DYNC1I1: variants seen among roughly 807,000 people sequenced by gnomAD.
The protein encoded by DYNC1I1 is cytoplasmic dynein 1 intermediate chain 1.
DYNC1I1 carries 43 observed loss-of-function variants against 86.6 expected under a neutral mutation model. That is an observed-to-expected ratio of 0.50 (90% confidence interval 0.39 to 0.64). The LOEUF is 0.64. Ranked by LOEUF, DYNC1I1 falls within the 30% of genes least tolerant of loss-of-function variation. The probability of loss-of-function intolerance (pLI) is 0.00; values close to 1 mark genes in which losing one functional copy is unlikely to be tolerated. For synonymous variants in DYNC1I1, 262 were observed against 283.7 expected, an observed-to-expected ratio of 0.92 and a Z score of 0.77; for missense variants, 604 against 788.8, an observed-to-expected ratio of 0.77 and a Z score of 2.81.
intron 7 of DYNC1I1, among the ~76,000 whole-genome samples, chr7:95,978,520 T>C (rs1793367543): frequency 6.6e-6 from 1 of 152,206 alleles, no homozygotes; most frequent in Admixed American, 6.5e-5. Context: ...GAGCGGGACC[T>C]AAGAACTGTG....
chr7:96,024,329 TCAAC>T (rs1203813015), intron 10 of DYNC1I1, among the ~76,000 whole-genome samples: 1 of 152,156 alleles, frequency 6.6e-6, no homozygotes, highest in African/African-American at 2.4e-5. Context: ...ACTCCTAGGC[TCAAC>T]CAATCCTCCC....
rs55986463 is a variant in DYNC1I1 at position 95,909,243 on chromosome 7, T to TGG, written c.490+39256_490+39257dup. Among the ~76,000 whole-genome samples the TGG allele has an allele frequency of 4.7e-3, 190 of 40,364 alleles. 2 individuals carry two copies. The highest frequency in any genetic ancestry group is 6.9e-3 in the Non-Finnish European group (159 of 23,190). The allele number at this position is 40,364 out of a possible 152,430, so 26.5% of individuals were successfully genotyped here. ...AGAAACTTGGAGGGTGGGAGGGGGG[T>TGG]GGGGGGGGGGGGCGGGGCGGGAAGG... On this transcript the variant is annotated intron_variant, in intron 6 of 16. Coordinates refer to ENST00000447467, the MANE Select transcript of DYNC1I1 (RefSeq NM_001135556.2).
At chr7:96,098,925 G>C (rs951154969), downstream of DYNC1I1, among the ~76,000 whole-genome samples, 1 of 152,148 alleles carries the variant, frequency 6.6e-6, no homozygotes, top group Non-Finnish European at 1.5e-5. Context: ...TTGGGACTTT[G>C]TTGGTAGGGA....
chr7:96,090,230 G>A (rs560217231), intron 16 of DYNC1I1, among the ~76,000 whole-genome samples: 1 of 151,638 alleles, frequency 6.6e-6, no homozygotes, highest in African/African-American at 2.4e-5. Flanking sequence ...CTCTTTCTTC[G>A]GATATTTGTT....
rs185258363 is a variant in DYNC1I1, at chr7:96,097,442, A to G, written c.1777-41A>G. The G allele has an allele frequency of 4.3e-6, 7 of 1,610,410 alleles. No homozygotes were observed. In the Admixed American group the frequency reaches 1.2e-4, roughly 27 times the overall value. ...AGGCTTCAAGGCTTTCAGACATGAA[A>G]GATATCTTGTTCATCATTTCTCCAT... On this transcript the variant is annotated intron_variant, in intron 16 of 16. Transcript: ENST00000447467.
chr7:96,060,930 C>T (rs900110031), intron 14 of DYNC1I1, among the ~76,000 whole-genome samples: 1 of 152,006 alleles, frequency 6.6e-6, no homozygotes, highest in Non-Finnish European at 1.5e-5. Flanking sequence ...AATGGAACAC[C>T]GAAAAAGAAG....
At chr7:96,085,129 A>G (rs974947930) in intron 16 of DYNC1I1, among the ~76,000 whole-genome samples, 2 of 152,162 alleles carry the variant, frequency 1.3e-5, no homozygotes, top group African/African-American at 4.8e-5. Flanking sequence ...CATCTGCCTC[A>G]TCTCCTGTCC....
intron 16 of DYNC1I1, among the ~76,000 whole-genome samples, chr7:96,106,296 G>T (rs1389000145): frequency 6.6e-6 from 1 of 152,106 alleles, no homozygotes; most frequent in African/African-American, 2.4e-5. Context: ...ACTTTGGGAG[G>T]CCGAGGCAGG....
chr7:95,882,655 G>A (rs916458060), intron 6 of DYNC1I1, among the ~76,000 whole-genome samples: 2 of 152,066 alleles, frequency 1.3e-5, no homozygotes, highest in Admixed American at 6.6e-5. Context: ...GTTCATCTGG[G>A]ACCATTTTCT....
At chr7:95,981,130 CT>C (rs1379430664) in intron 7 of DYNC1I1, among the ~76,000 whole-genome samples, 1 of 151,932 alleles carries the variant, frequency 6.6e-6, no homozygotes, top group Non-Finnish European at 1.5e-5. Flanking sequence ...TTTAAAATAT[CT>C]TTTAACAGAA....
chr7:95,776,735 C>T (rs1793850722), intron 1 of DYNC1I1, among the ~76,000 whole-genome samples: 2 of 152,196 alleles, frequency 1.3e-5, no homozygotes, highest in South Asian at 4.1e-4. Context: ...GTATAGCAAA[C>T]ATCAACTGAC....
intron 4 of DYNC1I1, among the ~76,000 whole-genome samples, chr7:95,824,217 C>T (rs1032092550): frequency 1.3e-5 from 2 of 151,400 alleles, no homozygotes; most frequent in Non-Finnish European, 2.9e-5. Context: ...GTCTTGGAAC[C>T]CGTGGGCTTC....
intron 6 of DYNC1I1, among the ~76,000 whole-genome samples, chr7:95,956,386 T>C (rs1190563813): frequency 6.6e-6 from 1 of 151,210 alleles, no homozygotes; most frequent in African/African-American, 2.4e-5. Flanking sequence ...TTCTCTTTTT[T>C]TTTTTTTTTT....
intron 14 of DYNC1I1, among the ~76,000 whole-genome samples, chr7:96,056,724 A>G (rs990227270): frequency 2.6e-5 from 4 of 152,046 alleles, no homozygotes; most frequent in African/African-American, 9.7e-5. Context: ...TGCATATAGC[A>G]TATGCAAATG....
chr7:95,905,546 T>C (rs1791153192), intron 6 of DYNC1I1, among the ~76,000 whole-genome samples: 1 of 152,176 alleles, frequency 6.6e-6, no homozygotes, highest in Non-Finnish European at 1.5e-5. Context: ...TTGCCCTTCT[T>C]CTTTCCTGAC....
At chr7:95,916,636 C>A (rs938089588) in intron 6 of DYNC1I1, among the ~76,000 whole-genome samples, 1 of 152,074 alleles carries the variant, frequency 6.6e-6, no homozygotes, top group Non-Finnish European at 1.5e-5. Flanking sequence ...TCACATCTGA[C>A]CTTTATTATG....
intron 6 of DYNC1I1, among the ~76,000 whole-genome samples, chr7:95,943,721 A>G (rs1030588435): frequency 4.6e-5 from 7 of 151,322 alleles, no homozygotes; most frequent in Admixed American, 2.7e-4. Context: ...ATAACGCCGC[A>G]TATCTACAAC....
rs1562984940 is a variant in DYNC1I1 at position 96,048,103 on chromosome 7, G to C, written c.1509+8682G>C. Among the ~76,000 whole-genome samples the C allele has an allele frequency of 3.9e-5, 6 of 152,272 alleles. No individual in the cohort carries two copies. The South Asian group carries it at 1.2e-3, about 32-fold the overall frequency. ...TAACGATGATGGGAACTGGGATGTG[G>C]TAGGGAGAGGAAGGAGGATTAGACC... On this transcript the variant is annotated intron_variant, in intron 14 of 16. Coordinates refer to ENST00000447467, the MANE Select transcript of DYNC1I1 (RefSeq NM_001135556.2).
At chr7:96,037,674 A>T (rs562357753) in intron 13 of DYNC1I1, among the ~76,000 whole-genome samples, 5 of 152,186 alleles carry the variant, frequency 3.3e-5, no homozygotes, top group Non-Finnish European at 7.3e-5. Context: ...AACATTTTAC[A>T]TGATGAACAT....
Sources: gnomAD v4.1 joint callset for allele counts (sites outside exome capture counted in the v4.1 genomes callset) on GRCh38, gnomAD v4.1.1 for gene constraint, MANE v1.5 for transcripts, NCBI Gene and HGNC (gene_info 2026-07-23, HGNC 2026-07-21) for gene names.